Variants in PCDH15 observed in about 807,000 individuals in gnomAD.
The protein encoded by PCDH15 is protocadherin-15.
PCDH15 carries 129 observed loss-of-function variants against 178.5 expected under a neutral mutation model. The observed-to-expected ratio is 0.72, with a 90% CI of 0.63 to 0.84. The LOEUF (loss-of-function observed/expected upper bound fraction) is 0.84, where lower values mean the gene tolerates loss of function less well. Ranked by LOEUF, PCDH15 falls within the 40% of genes least tolerant of loss-of-function variation. PCDH15 has a pLI of 0.00. For synonymous variants in PCDH15, 800 were observed against 732.0 expected (o/e 1.09, Z -1.50); for missense variants, 2,230 against 2,099.9 (o/e 1.06, Z -1.21).
chr10:54,242,949 T>C (rs941165328), intron 8 of PCDH15, among the ~76,000 whole-genome samples: 8 of 152,214 alleles, frequency 5.3e-5, no homozygotes, highest in African/African-American at 1.7e-4. Flanking sequence ...CTTTACACTG[T>C]ATTTTAATCA....
chr10:54,917,486 T>C (rs555177645), intron 2 of PCDH15, among the ~76,000 whole-genome samples: 4 of 152,290 alleles, frequency 2.6e-5, no homozygotes, highest in Non-Finnish European at 5.9e-5. Context: ...TCAAATACAG[T>C]ACATCATAAT....
At position 54,234,472 on chromosome 10, in the gene PCDH15, G is replaced by T. The variant is rs192275901; in HGVS notation, c.985+2351C>A. ...GGAGGCTAAGGTGGGAGGATCGCTT[G>T]AACCCAGGAAGTCGAAGCTTCAATG... On this transcript the variant is annotated intron_variant, in intron 9 of 37. Coordinates refer to ENST00000644397, the MANE Select transcript of PCDH15 (RefSeq NM_001384140.1). 1.2e-3 allele frequency among the ~76,000 whole-genome samples: 182 copies of T among 152,230 alleles called. 1 individual carries two copies. Among genetic ancestry groups the T allele is most frequent in the Non-Finnish European group, 4.7e-4 (32 of 68,008 alleles).
intron 15 of PCDH15, among the ~76,000 whole-genome samples, chr10:54,101,729 G>C (rs2094815747): frequency 6.6e-6 from 1 of 152,152 alleles, no homozygotes; most frequent in South Asian, 2.1e-4. Context: ...AGTTTTGGGA[G>C]ACTGAGACCA....
chr10:55,247,963 ATTAC>A (rs1841727294), intron 1 of PCDH15: 1 of 143,220 alleles, frequency 7.0e-6, no homozygotes, highest in Non-Finnish European at 1.5e-5. Flanking sequence ...TACTTTTATA[ATTAC>A]TTATTTTGGG....
At chr10:53,984,075 C>T (rs1338076243) in intron 21 of PCDH15, among the ~76,000 whole-genome samples, 3 of 151,868 alleles carry the variant, frequency 2.0e-5, no homozygotes, top group African/African-American at 7.3e-5. Flanking sequence ...CAATCATGCT[C>T]CCTCTTATCT....
intron 2 of PCDH15, among the ~76,000 whole-genome samples, chr10:54,554,470 GA>G: frequency 1.3e-5 from 2 of 152,212 alleles, no homozygotes; most frequent in South Asian, 4.1e-4. Context: ...ATTAAAAAAT[GA>G]AGACTTAGGA....
intron 3 of PCDH15, among the ~76,000 whole-genome samples, chr10:54,471,236 A>T (rs2077899064): frequency 6.6e-6 from 1 of 152,060 alleles, no homozygotes; most frequent in Non-Finnish European, 1.5e-5. Flanking sequence ...CTTCATCCTC[A>T]TCCTCTTTAA....
intron 1 of PCDH15, among the ~76,000 whole-genome samples, chr10:54,686,041 A>ATTTTTTTTTTTTTT (rs66539612): frequency 1.2e-3 from 154 of 126,850 alleles, no homozygotes; most frequent in African/African-American, 1.5e-3. Context: ...AAGACAGCCA[A>ATTTTTTTTTTTTTT]TTTTTTTTTT....
At chr10:54,464,303 T>C (rs917520750) in intron 3 of PCDH15, among the ~76,000 whole-genome samples, 10 of 152,226 alleles carry the variant, frequency 6.6e-5, no homozygotes, top group East Asian at 3.9e-4. Context: ...GATTTTAATA[T>C]TGAAGAGTAT....
intron 3 of PCDH15, among the ~76,000 whole-genome samples, chr10:54,512,140 T>C (rs2081738516): frequency 6.6e-6 from 1 of 152,162 alleles, no homozygotes; most frequent in African/African-American, 2.4e-5. Context: ...CCTCCGGATA[T>C]CTTTCTGTCC....
At chr10:54,836,956 A>G (rs1953327549) in intron 3 of PCDH15, among the ~76,000 whole-genome samples, 1 of 152,110 alleles carries the variant, frequency 6.6e-6, no homozygotes, top group Non-Finnish European at 1.5e-5. Context: ...ATGGATCAGA[A>G]ACCTGTTGAA....
intron 1 of PCDH15, among the ~76,000 whole-genome samples, chr10:54,674,040 T>C (rs893336545): frequency 6.6e-6 from 1 of 152,182 alleles, no homozygotes; most frequent in Non-Finnish European, 1.5e-5. Flanking sequence ...CTACACTTTA[T>C]TTTCTACTTC....
chr10:55,374,055 G>A (rs1294317579), intron 2 of PCDH15, among the ~76,000 whole-genome samples: 3 of 150,358 alleles, frequency 2.0e-5, no homozygotes, highest in South Asian at 4.2e-4. Context: ...ACACCTGCAC[G>A]TTCTGCACAT....
intron 3 of PCDH15, among the ~76,000 whole-genome samples, chr10:54,870,413 T>A (rs1307011887): frequency 2.0e-5 from 3 of 152,194 alleles, no homozygotes; most frequent in Non-Finnish European, 4.4e-5. Flanking sequence ...GATAGTTTTG[T>A]TTTAGTGTTC....
At chr10:54,649,593 T>C (rs972667107) in intron 2 of PCDH15, among the ~76,000 whole-genome samples, 2 of 152,160 alleles carry the variant, frequency 1.3e-5, no homozygotes, top group African/African-American at 4.8e-5. Flanking sequence ...ATTACACATA[T>C]ATGAGAGATT....
At chr10:54,895,175 C>T (rs1041015592) in intron 3 of PCDH15, among the ~76,000 whole-genome samples, 4 of 152,120 alleles carry the variant, frequency 2.6e-5, no homozygotes, top group Non-Finnish European at 5.9e-5. Flanking sequence ...AAGAGTAGAA[C>T]AATGGCACAT....
chr10:53,923,576 G>A (rs2084194925), intron 25 of PCDH15, among the ~76,000 whole-genome samples: 1 of 152,122 alleles, frequency 6.6e-6, no homozygotes, highest in African/African-American at 2.4e-5. Flanking sequence ...ATTTTAAATT[G>A]TGAAGATAAA....
At chr10:54,970,266 T>G (rs982418157) in intron 2 of PCDH15, among the ~76,000 whole-genome samples, 2 of 152,202 alleles carry the variant, frequency 1.3e-5, no homozygotes, top group African/African-American at 2.4e-5. Context: ...ATTCTGATAT[T>G]TTGTTATTGC....
chr10:54,251,329 T>G (rs1370722056), intron 8 of PCDH15, among the ~76,000 whole-genome samples: 1 of 152,196 alleles, frequency 6.6e-6, no homozygotes, highest in Non-Finnish European at 1.5e-5. Context: ...CAAACACAGG[T>G]TCTTTATATA....
Sources: allele counts gnomAD v4.1 joint callset (sites outside exome capture counted in the v4.1 genomes callset), GRCh38; gene constraint gnomAD v4.1.1; transcripts MANE v1.5; gene names NCBI Gene and HGNC (gene_info 2026-07-23, HGNC 2026-07-21).